The following VPS13B variants were observed in gnomAD, a reference collection of about 807,000 sequenced individuals.
VPS13B encodes the protein intermembrane lipid transfer protein VPS13B.
Under a neutral mutation model 426.4 loss-of-function variants are expected in VPS13B, and 285 were observed. The ratio of observed to expected loss-of-function variants is 0.67; its 90% CI spans 0.61 to 0.74. VPS13B has a LOEUF of 0.74. Ranked by LOEUF, VPS13B falls within the 30% of genes least tolerant of loss-of-function variation. The probability of loss-of-function intolerance (pLI) is 0.00; values close to 1 mark genes in which losing one functional copy is unlikely to be tolerated. For missense variants in VPS13B, 4,537 were observed against 4,782.6 expected, an observed-to-expected ratio of 0.95 and a Z score of 1.51; for synonymous variants, 1,676 against 1,676.4, an observed-to-expected ratio of 1.00 and a Z score of 0.01.
intron 17 of VPS13B, chr8:99,233,349 G>A: frequency 9.3e-7 from 1 of 1,070,588 alleles, no homozygotes; most frequent in Non-Finnish European, 1.5e-6. Flanking sequence ...GGTTAAAGAA[G>A]TTTTCTTCTT....
At chr8:99,674,862 C>T (rs1830866026) in intron 35 of VPS13B, among the ~76,000 whole-genome samples, 1 of 152,042 alleles carries the variant, frequency 6.6e-6, no homozygotes, top group African/African-American at 2.4e-5. Flanking sequence ...CTACCTCCCT[C>T]CACATTTTGA....
At chr8:99,140,006 C>A (rs1453556713) in intron 12 of VPS13B, among the ~76,000 whole-genome samples, 1 of 151,746 alleles carries the variant, frequency 6.6e-6, no homozygotes, top group East Asian at 1.9e-4. Flanking sequence ...TGTAGTGAAT[C>A]CTGATAGTTT....
At chr8:99,391,726 G>A in intron 21 of VPS13B, 22 bp downstream of exon 21, 1 of 1,612,632 alleles carries the variant, frequency 6.2e-7, no homozygotes, top group South Asian at 1.1e-5. Context: ...GTACTGTAAA[G>A]GGACTATGAT....
At chr8:99,524,708 A>G (rs1002154838) in intron 30 of VPS13B, among the ~76,000 whole-genome samples, 1 of 152,154 alleles carries the variant, frequency 6.6e-6, no homozygotes, top group Non-Finnish European at 1.5e-5. Flanking sequence ...TGGAAGAATC[A>G]CTTGAGCACA....
intron 12 of VPS13B, among the ~76,000 whole-genome samples, chr8:99,141,276 C>A (rs1368290333): frequency 6.6e-6 from 1 of 152,126 alleles, no homozygotes; most frequent in Non-Finnish European, 1.5e-5. Flanking sequence ...GCCATGGTAT[C>A]TAAATTTAAA....
At chr8:99,107,638 T>C (rs1333800542) in intron 5 of VPS13B, among the ~76,000 whole-genome samples, 6 of 152,202 alleles carry the variant, frequency 3.9e-5, no homozygotes, top group Non-Finnish European at 5.9e-5. Context: ...TTCTAAAATA[T>C]TGACATTGCC....
intron 24 of VPS13B, among the ~76,000 whole-genome samples, chr8:99,478,033 G>C (rs1264276921): frequency 6.6e-6 from 1 of 151,214 alleles, no homozygotes; most frequent in East Asian, 1.9e-4. Context: ...AGGATCACTT[G>C]AGCTCAGGAG....
Position 99,577,570 on chromosome 8 carries a change from A to G in VPS13B, c.5157A>G (p.Gln1719=), listed in dbSNP as rs1349630576. 6 of 1,613,728 alleles carry G rather than the reference A, an allele frequency of 3.7e-6. No homozygotes were observed. The highest frequency in any genetic ancestry group is 2.7e-5 in the African/African-American group (2 of 74,908). The change falls in exon 33 of 62, where the codon CAA becomes CAG. Residue 1719 remains glutamine (Q), a synonymous_variant. Transcript: ENST00000357162. The part of the protein sequence containing the change: ...LDFFLSVAQV[Q]LLHQLIVANM... ...TCTTCCTAAGTGTGGCTCAAGTTCAACTCTTACATCAGTTAATAGTAGCAA... is the reference window on the plus strand; with the variant it reads ...TCTTCCTAAGTGTGGCTCAAGTTCAGCTCTTACATCAGTTAATAGTAGCAA...
intron 5 of VPS13B, among the ~76,000 whole-genome samples, chr8:99,103,668 T>G (rs936822860): frequency 3.3e-5 from 5 of 151,738 alleles, no homozygotes; most frequent in African/African-American, 1.2e-4. Context: ...CCCGGCTAAT[T>G]TTTTGTATTT....
At chr8:99,448,343 T>A (rs1818030347) in intron 23 of VPS13B, among the ~76,000 whole-genome samples, 1 of 152,012 alleles carries the variant, frequency 6.6e-6, no homozygotes, top group Non-Finnish European at 1.5e-5. Flanking sequence ...AACCACATGG[T>A]TATTCTCATT....
At chr8:99,396,417 C>T (rs1272295527) in intron 21 of VPS13B, among the ~76,000 whole-genome samples, 6 of 152,048 alleles carry the variant, frequency 3.9e-5, no homozygotes, top group South Asian at 4.2e-4. Flanking sequence ...GCAACTTATC[C>T]GAGGTTAAAA....
chr8:99,467,434 A>T lies in VPS13B; in HGVS notation c.3466A>T (p.Ile1156Phe), dbSNP rs1819167983. The T allele has an allele frequency of 1.9e-6, 3 of 1,613,576 alleles. No homozygotes were observed. The highest frequency in any genetic ancestry group is 2.7e-5 in the African/African-American group (2 of 74,868). ...ATCAGGTGATGCTTTTCCTTGGACG[A>T]TCAGCTTGCATAATTTCAGCATATA... ...LEEGDAFPWT[I>F]SLHNFSIYTL... The change falls in exon 24 of 62, where the codon ATC (isoleucine) becomes TTC (phenylalanine). Residue 1156 changes from isoleucine (I) to phenylalanine (F), a missense_variant. Coordinates refer to ENST00000357162, the MANE Select transcript of VPS13B (RefSeq NM_152564.5).
At chr8:99,484,526 A>G (rs567845181) in intron 25 of VPS13B, among the ~76,000 whole-genome samples, 16 of 152,242 alleles carry the variant, frequency 1.1e-4, no homozygotes, top group African/African-American at 3.1e-4. Flanking sequence ...AATTTAGCTG[A>G]TTTGTTTTTC....
intron 35 of VPS13B, among the ~76,000 whole-genome samples, chr8:99,693,613 G>A (rs1344245017): frequency 8.4e-5 from 7 of 83,176 alleles, no homozygotes; most frequent in Admixed American, 2.7e-4. Context: ...AAAACTGGAA[G>A]CATTCCCTTT....
chr8:99,221,114 G>T (rs1815695001), intron 17 of VPS13B, among the ~76,000 whole-genome samples: 1 of 123,352 alleles, frequency 8.1e-6, no homozygotes, highest in Non-Finnish European at 1.7e-5. Flanking sequence ...CAAAGGATAT[G>T]AACTCATCAT....
intron 19 of VPS13B, among the ~76,000 whole-genome samples, chr8:99,351,725 A>T (rs1811906698): frequency 6.6e-6 from 1 of 152,244 alleles, no homozygotes; most frequent in East Asian, 1.9e-4. Flanking sequence ...CATCTTACTT[A>T]TACTACATGA....
intron 34 of VPS13B, among the ~76,000 whole-genome samples, chr8:99,651,625 G>A (rs909374671): frequency 6.6e-6 from 1 of 152,114 alleles, no homozygotes; most frequent in African/African-American, 2.4e-5. Flanking sequence ...AAAGATGTAT[G>A]TAGTTGTTTT....
intron 2 of VPS13B, 150 bp from the exon 3 acceptor site, chr8:99,038,273 G>T: frequency 1.8e-6 from 1 of 541,942 alleles, no homozygotes; most frequent in Non-Finnish European, 3.0e-6. Flanking sequence ...AAAGGAATTT[G>T]TATATTAGAA....
intron 41 of VPS13B, 43 bp from the exon 42 acceptor site, chr8:99,778,639 G>C: frequency 1.3e-6 from 2 of 1,531,482 alleles, no homozygotes; most frequent in Middle Eastern, 1.7e-4. Flanking sequence ...ACAAAATATT[G>C]GCTCATCTTA....
Sources: allele counts gnomAD v4.1 joint callset (sites outside exome capture counted in the v4.1 genomes callset), GRCh38; gene constraint gnomAD v4.1.1; transcripts MANE v1.5; gene names NCBI Gene and HGNC (gene_info 2026-07-23, HGNC 2026-07-21).